MAPK6: variants seen among roughly 807,000 people sequenced by gnomAD.
MAPK6 encodes the protein ERK-3.
A neutral mutation model predicts 59.3 loss-of-function variants in MAPK6; 19 were observed. That is an observed-to-expected ratio of 0.32 (90% CI 0.22 to 0.47). The LOEUF is 0.47. Ranked by LOEUF, MAPK6 falls within the 20% of genes least tolerant of loss-of-function variation. The probability of loss-of-function intolerance (pLI) is 1.00; values close to 1 mark genes in which losing one functional copy is unlikely to be tolerated. For missense variants in MAPK6, 724 were observed against 847.9 expected (o/e 0.85, Z 1.81); for synonymous variants, 316 against 290.3 (o/e 1.09, Z -0.90).
rs1239104443 is a variant in MAPK6 at position 51,980,305 on chromosome 15, AG to A, written c.-879-2900del. Among the ~76,000 whole-genome samples the A allele has an allele frequency of 5.9e-3, 882 of 150,614 alleles. 15 individuals carry two copies. Among genetic ancestry groups the A allele is most frequent in the African/African-American group, 0.021 (840 of 40,894 alleles). On this transcript the variant is annotated intron_variant, in intron 1 of 7. Coordinates refer to the MAPK6 transcript ENST00000691380. ...AACAAAACTGTCTTAAAAAAAAAAA[AG>A]AAAAAAAAATGTGGATACCAAAATG...
chr15:51,988,286 G>C (rs2057197268), intron 2 of MAPK6, among the ~76,000 whole-genome samples: 2 of 151,816 alleles, frequency 1.3e-5, no homozygotes, highest in Admixed American at 1.3e-4. Context: ...AAAAAAGAAA[G>C]AATAAAATGG....
intron 3 of MAPK6, chr15:52,056,613 T>G (rs902204285): frequency 7.2e-5 from 11 of 152,120 alleles, no homozygotes; most frequent in Non-Finnish European, 1.3e-4. Flanking sequence ...CAGCATTTGT[T>G]GCAATTGATC....
intron 2 of MAPK6, among the ~76,000 whole-genome samples, chr15:52,001,182 G>A (rs1477778099): frequency 6.6e-6 from 1 of 152,146 alleles, no homozygotes; most frequent in Non-Finnish European, 1.5e-5. Flanking sequence ...TCTGTCATGT[G>A]AAGACATAGC....
intron 1 of MAPK6, among the ~76,000 whole-genome samples, chr15:52,032,186 A>ATTTTTTTTTT (rs566086048): frequency 1.1e-5 from 1 of 92,484 alleles, no homozygotes; most frequent in East Asian, 3.0e-4. Flanking sequence ...ACAATTTTTA[A>ATTTTTTTTTT]TTTTTTTTTT....
chr15:51,995,850 C>G (rs1163595215), intron 2 of MAPK6, among the ~76,000 whole-genome samples: 1 of 152,060 alleles, frequency 6.6e-6, no homozygotes, highest in East Asian at 1.9e-4. Context: ...ATCGCTTAAA[C>G]CCGGGAGGCA....
intron 2 of MAPK6, among the ~76,000 whole-genome samples, chr15:51,991,136 A>AAT (rs375294325): frequency 1.6e-4 from 23 of 139,480 alleles, no homozygotes; most frequent in African/African-American, 4.9e-4. Context: ...CTCAAAAAGA[A>AAT]ATATATATAT....
chr15:52,038,743 C>T (rs1002349172), intron 1 of MAPK6, among the ~76,000 whole-genome samples: 9 of 151,888 alleles, frequency 5.9e-5, no homozygotes, highest in Non-Finnish European at 1.3e-4. Context: ...AGCCTCCTGC[C>T]GGGAGGAAGA....
At chr15:51,971,859 C>G in exon 1 of MAPK6, 2 of 1,124,404 alleles carry the variant, frequency 1.8e-6, no homozygotes. Context: ...CACTCCTTTC[C>G]TTACGTGACC....
intron 1 of MAPK6, chr15:52,027,634 T>TC (rs1555397644): frequency 6.7e-6 from 1 of 148,580 alleles, no homozygotes; most frequent in Non-Finnish European, 1.5e-5. Flanking sequence ...TTTTTTTTTT[T>TC]ATAGGCGGGG....
intron 1 of MAPK6, among the ~76,000 whole-genome samples, chr15:52,034,592 C>T (rs1183228503): frequency 6.6e-6 from 1 of 152,196 alleles, no homozygotes; most frequent in African/African-American, 2.4e-5. Flanking sequence ...AGGCATGAGC[C>T]ACTGTGCCCT....
At chr15:51,994,149 G>A (rs1399282720) in intron 2 of MAPK6, among the ~76,000 whole-genome samples, 8 of 152,070 alleles carry the variant, frequency 5.3e-5, no homozygotes, top group East Asian at 1.9e-4. Context: ...TAGTAGAGAC[G>A]GGGTTTCTCT....
At position 52,066,849 on chromosome 15, in the gene MAPK6, C is replaced by A. The variant is rs1365763108; in HGVS notation, c.*1849C>A. On this transcript the variant is annotated 3_prime_UTR_variant, in exon 6 of 6. Coordinates refer to ENST00000261845, the MANE Select transcript of MAPK6 (RefSeq NM_002748.4). ...AATACTGTCACGTTATTAATTTAAA[C>A]ATACTCAAATTACCTTAAGAGGACA... is the stretch of plus-strand genomic sequence containing the variant. The A allele has an allele frequency of 1.3e-5, 2 of 151,258 alleles. No homozygotes were observed. Among genetic ancestry groups the A allele is most frequent in the African/African-American group, 4.9e-5 (2 of 41,158 alleles). 9.4% of individuals were successfully genotyped at this position (151,258 alleles called of 1,614,324 possible).
At chr15:52,051,644 C>T (rs562446373) in intron 3 of MAPK6, among the ~76,000 whole-genome samples, 166 of 152,118 alleles carry the variant, frequency 1.1e-3, no homozygotes, top group Non-Finnish European at 1.8e-3. Context: ...GAGGCTGCAG[C>T]GGGCAGATCA....
chr15:52,054,784 A>C (rs1359568908), intron 3 of MAPK6, among the ~76,000 whole-genome samples: 1 of 151,960 alleles, frequency 6.6e-6, no homozygotes, highest in Non-Finnish European at 1.5e-5. Context: ...ATACATATAT[A>C]TATAATTTTT....
chr15:52,049,924 C>A (rs912085764), intron 2 of MAPK6, 69 bp from the exon 3 acceptor site: 2 of 1,414,134 alleles, frequency 1.4e-6, no homozygotes, highest in Non-Finnish European at 9.9e-7. Context: ...ATTAAGGATT[C>A]TTTAATCAAG....
In MAPK6 at chr15:52,064,392, G is replaced by A. The variant is rs374841305; in HGVS notation, c.1558G>A (p.Glu520Lys). Residue 520 changes from glutamate to lysine, a missense_variant, in exon 6 of 6, where the codon GAA (glutamate) becomes AAA (lysine). Coordinates refer to ENST00000261845, the MANE Select transcript of MAPK6 (RefSeq NM_002748.4). ...ASQQLAGKER[E>K]KNQGFDFDSF... ...ACAGCAACTGGCTGGAAAAGAAAGG[G>A]AAAAGAATCAGGGATTTGATTTTGA... 4.7e-5 allele frequency: 75 copies of A among 1,611,810 alleles called. No homozygotes were observed. In the Middle Eastern group the frequency reaches 6.7e-4, roughly 14 times the overall value.
intron 1 of MAPK6, among the ~76,000 whole-genome samples, chr15:52,035,141 C>T (rs1302677916): frequency 6.6e-6 from 1 of 152,110 alleles, no homozygotes; most frequent in Non-Finnish European, 1.5e-5. Flanking sequence ...TTGATTTTGC[C>T]CTAATTCTTT....
intron 1 of MAPK6, among the ~76,000 whole-genome samples, chr15:51,972,339 G>A (rs1006471501): frequency 2.6e-5 from 4 of 151,786 alleles, no homozygotes; most frequent in Non-Finnish European, 4.4e-5. Context: ...GGGTTTCACC[G>A]TGTTGCCCAG....
intron 3 of MAPK6, 120 bp downstream of exon 3, chr15:52,050,257 CAGAT>C: frequency 1.1e-6 from 1 of 882,844 alleles, no homozygotes; most frequent in Non-Finnish European, 1.7e-6. Flanking sequence ...CTAAAATGAA[CAGAT>C]AAATTGGCGT....
Sources: gnomAD v4.1 joint callset for allele counts (sites outside exome capture counted in the v4.1 genomes callset) on GRCh38, gnomAD v4.1.1 for gene constraint, MANE v1.5 for transcripts, NCBI Gene and HGNC (gene_info 2026-07-23, HGNC 2026-07-21) for gene names.